BANF2: variants seen among roughly 807,000 people sequenced by gnomAD.
The protein encoded by BANF2 is BANF family member 2, also known as barrier-to-autointegration factor-like protein.
A neutral mutation model predicts 8.0 loss-of-function variants in BANF2; 4 were observed. The observed-to-expected ratio is 0.50, with a 90% confidence interval of 0.25 to 1.14. The LOEUF (loss-of-function observed/expected upper bound fraction) is 1.14, where lower values mean the gene tolerates loss of function less well. Ranked by LOEUF, BANF2 falls within the 50% of genes most tolerant of loss-of-function variation. BANF2 has a pLI of 0.16. For synonymous variants in BANF2, 50 were observed against 40.6 expected, an observed-to-expected ratio of 1.23 and a Z score of -0.88; for missense variants, 96 against 107.5, an observed-to-expected ratio of 0.89 and a Z score of 0.47.
chr20:17,720,545 A>G lies in BANF2; in HGVS notation c.-166-2171A>G, dbSNP rs556404315. Reference sequence around the variant, plus strand: ...TTTCTTTTTAGATTCTCTGCAGGGCAAGTTCTACACAGTTCCACTTATATG... The same window carrying G: ...TTTCTTTTTAGATTCTCTGCAGGGCGAGTTCTACACAGTTCCACTTATATG... On this transcript the variant is annotated intron_variant, in intron 1 of 3. Transcript: ENST00000246090. Among the ~76,000 whole-genome samples the G allele has an allele frequency of 9.2e-5, 14 of 152,168 alleles. No individual in the cohort carries two copies. The East Asian group carries it at 2.7e-3, about 30-fold the overall frequency.
At chr20:17,734,675 G>A (rs1034802952) in intron 3 of BANF2, among the ~76,000 whole-genome samples, 1 of 152,200 alleles carries the variant, frequency 6.6e-6, no homozygotes, top group South Asian at 2.1e-4. Context: ...GGGTCGGGGA[G>A]GGAGGGTGCC....
At chr20:17,698,928 T>A (rs907452695), upstream of BANF2, among the ~76,000 whole-genome samples, 2 of 152,194 alleles carry the variant, frequency 1.3e-5, no homozygotes, top group African/African-American at 4.8e-5. Context: ...TATTTCAGGA[T>A]CAAACCTAAG....
chr20:17,699,964 CT>C, upstream of BANF2: 1 of 985,150 alleles, frequency 1.0e-6, no homozygotes, highest in African/African-American at 1.7e-5. Context: ...CCCCATGGGC[CT>C]AAGACATAAG....
Position 17,733,043 on chromosome 20 carries a change from A to T in BANF2, c.127-2622A>T, listed in dbSNP as rs534638753. Among the ~76,000 whole-genome samples the T allele has an allele frequency of 2.6e-5, 4 of 152,298 alleles. No individual in the cohort carries two copies. The East Asian group carries it at 7.7e-4, about 29-fold the overall frequency. On this transcript the variant is annotated intron_variant, in intron 3 of 3. Coordinates refer to ENST00000246090, the MANE Select transcript of BANF2 (RefSeq NM_178477.5). ...GAGGGAAAACTGAGGAGGGAGTGTCAGGTTGCCACTTGGCTCCAGAGGCTG... is the reference window on the plus strand; with the variant it reads ...GAGGGAAAACTGAGGAGGGAGTGTCTGGTTGCCACTTGGCTCCAGAGGCTG...
intron 1 of BANF2, among the ~76,000 whole-genome samples, chr20:17,701,298 C>T (rs1423901928): frequency 6.6e-6 from 1 of 152,218 alleles, no homozygotes; most frequent in African/African-American, 2.4e-5. Flanking sequence ...AACGCTGAAC[C>T]TCCCGTGCCA....
chr20:17,695,231 G>A (rs1225003930), upstream of BANF2, among the ~76,000 whole-genome samples: 1 of 151,834 alleles, frequency 6.6e-6, no homozygotes. Context: ...AGGATTGCTT[G>A]AGCCCAGGGG....
At chr20:17,714,516 T>G (rs2037623482) in intron 1 of BANF2, among the ~76,000 whole-genome samples, 3 of 152,196 alleles carry the variant, frequency 2.0e-5, no homozygotes, top group Middle Eastern at 6.8e-3. Context: ...GGAGACAGAG[T>G]CATGGGACAA....
intron 1 of BANF2, among the ~76,000 whole-genome samples, chr20:17,693,863 C>T (rs2037319929): frequency 6.6e-6 from 1 of 152,206 alleles, no homozygotes; most frequent in African/African-American, 2.4e-5. Flanking sequence ...CTGCAGGCAG[C>T]ACAATGCCCT....
chr20:17,697,918 T>G (rs998259250), upstream of BANF2, among the ~76,000 whole-genome samples: 5 of 151,976 alleles, frequency 3.3e-5, no homozygotes, highest in African/African-American at 1.2e-4. Flanking sequence ...AAGTGTGTGG[T>G]ACCCGGCCGG....
At chr20:17,729,513 G>A (rs1329381859) in intron 3 of BANF2, among the ~76,000 whole-genome samples, 2 of 152,206 alleles carry the variant, frequency 1.3e-5, no homozygotes, top group Non-Finnish European at 2.9e-5. Context: ...AGGTCAGGCA[G>A]ATCACTTGAG....
chr20:17,726,756 T>C (rs2182948), intron 3 of BANF2, among the ~76,000 whole-genome samples: 34,272 of 152,194 alleles, frequency 0.23, 4,118 homozygotes, highest in East Asian at 0.43. Flanking sequence ...ATTGATTAAA[T>C]GTGTCCATAA....
intron 1 of BANF2, among the ~76,000 whole-genome samples, chr20:17,701,460 C>T (rs370066531): frequency 1.3e-5 from 2 of 152,156 alleles, no homozygotes; most frequent in African/African-American, 4.8e-5. Context: ...CACTCTCTAT[C>T]GACTATCCCC....
Position 17,735,713 on chromosome 20 carries a change from G to T in BANF2, c.175G>T (p.Glu59Ter), listed in dbSNP as rs200796137. 1 of 1,613,830 alleles carries T rather than the reference G, an allele frequency of 6.2e-7. No individual in the cohort carries two copies. The highest frequency in any genetic ancestry group is 1.1e-5 in the South Asian group (1 of 91,072). Residue 59 changes from glutamate (E) to a stop codon, truncating the protein, a stop_gained, in exon 4 of 4, where the codon GAG becomes TAG. Transcript: ENST00000246090. LOFTEE classifies it high-confidence loss of function. The stretch of plus-strand genomic sequence containing the variant: ...CCTTCTGATGCACAAGAATGAAGCC[G>T]AGTTTCAGAGGTGGCTCATTTGCTG... The part of the protein sequence containing the change: ...QFLLMHKNEA[E>*]FQRWLICCFG...
chr20:17,695,954 G>T (rs1479487473), upstream of BANF2, among the ~76,000 whole-genome samples: 1 of 152,078 alleles, frequency 6.6e-6, no homozygotes, highest in African/African-American at 2.4e-5. Flanking sequence ...GGCCTCTGTT[G>T]CTCAGCATAA....
At chr20:17,726,420 C>T (rs910825172) in intron 3 of BANF2, among the ~76,000 whole-genome samples, 9 of 152,120 alleles carry the variant, frequency 5.9e-5, no homozygotes, top group African/African-American at 2.2e-4. Context: ...CTCCTGGACT[C>T]AAGTGATTCA....
chr20:17,732,585 G>A (rs537243726), intron 3 of BANF2, among the ~76,000 whole-genome samples: 1 of 152,138 alleles, frequency 6.6e-6, no homozygotes, highest in Non-Finnish European at 1.5e-5. Flanking sequence ...TCGAACTCCT[G>A]ACCTCAGATG....
intron 1 of BANF2, among the ~76,000 whole-genome samples, chr20:17,694,059 T>C (rs2037321940): frequency 6.6e-6 from 1 of 152,222 alleles, no homozygotes; most frequent in Non-Finnish European, 1.5e-5. Context: ...ACTGAATACA[T>C]ACAACGTGTG....
chr20:17,732,432 T>A (rs747965827), intron 3 of BANF2, among the ~76,000 whole-genome samples: 9 of 152,236 alleles, frequency 5.9e-5, no homozygotes, highest in Non-Finnish European at 1.2e-4. Flanking sequence ...AGTGGCATAA[T>A]CTCAGCTCAT....
chr20:17,732,697 T>C (rs1001610131), intron 3 of BANF2, among the ~76,000 whole-genome samples: 1 of 152,172 alleles, frequency 6.6e-6, no homozygotes, highest in African/African-American at 2.4e-5. Context: ...TGTAATTCCC[T>C]GGCTTGGCCA....
Sources: gnomAD v4.1 joint callset for allele counts (sites outside exome capture counted in the v4.1 genomes callset) on GRCh38, gnomAD v4.1.1 for gene constraint, MANE v1.5 for transcripts, NCBI Gene and HGNC (gene_info 2026-07-23, HGNC 2026-07-21) for gene names.